Variants in MTCL2 observed in about 807,000 individuals in gnomAD.
MTCL2 encodes microtubule crosslinking factor 2, also known as microtubule cross-linking factor 2.
chr20:36,863,457 C>T, the MTCL2 span: 4 of 727,600 alleles, frequency 5.5e-6, no homozygotes, highest in Admixed American at 5.2e-5. The surrounding 1 kb of genome is among the most constrained non-coding windows in gnomAD (Gnocchi z 6.2). Context: ...CGGCTGCTCT[C>T]GGCCCACCTC....
chr20:36,822,039 C>G, the MTCL2 span, among the ~76,000 whole-genome samples: 1 of 152,244 alleles, frequency 6.6e-6, no homozygotes, highest in Non-Finnish European at 1.5e-5. Flanking sequence ...ACGAGTTCCA[C>G]CCTTTTCTGG....
At chr20:36,808,781 T>C in the MTCL2 span, 1 of 1,411,594 alleles carries the variant, frequency 7.1e-7, no homozygotes, top group Non-Finnish European at 9.7e-7. Context: ...CCCAGGGCCC[T>C]GTCCTCTCCC....
chr20:36,796,853 G>A, the MTCL2 span: 1 of 1,611,882 alleles, frequency 6.2e-7, no homozygotes, highest in East Asian at 2.2e-5. Context: ...CGGTCAGAGA[G>A]GCAGAGCAGG....
At chr20:36,861,888 G>A in the MTCL2 span, among the ~76,000 whole-genome samples, 1 of 152,242 alleles carries the variant, frequency 6.6e-6, no homozygotes, top group Non-Finnish European at 1.5e-5. Context: ...TCCCCACATG[G>A]CCACAGGGAA....
the MTCL2 span, chr20:36,828,928 A>T: frequency 9.8e-7 from 1 of 1,015,636 alleles, no homozygotes; most frequent in East Asian, 2.7e-5. Flanking sequence ...TGAATAAACA[A>T]CCTTGCCAGG....
the MTCL2 span, among the ~76,000 whole-genome samples, chr20:36,851,788 G>A: frequency 6.6e-6 from 1 of 152,192 alleles, no homozygotes; most frequent in African/African-American, 2.4e-5. Flanking sequence ...GGAGGACAGA[G>A]CCCAGCACAG....
the MTCL2 span, chr20:36,863,216 G>A: frequency 2.5e-6 from 3 of 1,215,286 alleles, no homozygotes; most frequent in African/African-American, 3.2e-5. This position sits in a 1 kb window ranked among gnomAD's most constrained non-coding sequence, Gnocchi z 6.2. Flanking sequence ...GCGACCAGCC[G>A]GCCACGTCTT....
At chr20:36,813,284 G>C in the MTCL2 span, among the ~76,000 whole-genome samples, 4,090 of 138,904 alleles carry the variant, frequency 0.029, 84 homozygotes, top group Middle Eastern at 0.065. Flanking sequence ...TTGCCCTCCA[G>C]CGTGGGCAAC....
At chr20:36,784,240 G>A in the MTCL2 span, 11 of 986,052 alleles carry the variant, frequency 1.1e-5, no homozygotes, top group Non-Finnish European at 1.3e-5. Context: ...ATGGGTGAGA[G>A]CAGCAGCATC....
chr20:36,799,400 G>C, the MTCL2 span, among the ~76,000 whole-genome samples: 1 of 152,166 alleles, frequency 6.6e-6, no homozygotes, highest in South Asian at 2.1e-4. Flanking sequence ...GCTGAGGCAG[G>C]AGAATCGTTT....
At chr20:36,810,717 C>CCTCTCTCCCTCTCTCTCTCTCT in the MTCL2 span, among the ~76,000 whole-genome samples, 9 of 94,192 alleles carry the variant, frequency 9.6e-5, no homozygotes, top group Non-Finnish European at 1.5e-4. Flanking sequence ...TCTCTCTCTC[C>CCTCTCTCCCTCTCTCTCTCTCT]CTCTCTCTCT....
chr20:36,777,728 G>T, the MTCL2 span: 1 of 547,758 alleles, frequency 1.8e-6, no homozygotes, highest in Non-Finnish European at 3.3e-6. Context: ...CAGGGCCCAT[G>T]ACTGCAGGAC....
chr20:36,809,045 A>C, the MTCL2 span, among the ~76,000 whole-genome samples: 1 of 152,226 alleles, frequency 6.6e-6, no homozygotes, highest in Non-Finnish European at 1.5e-5. Flanking sequence ...TCAATGAGGA[A>C]CCTGCGAGGG....
the MTCL2 span, among the ~76,000 whole-genome samples, chr20:36,822,651 CTT>C: frequency 2.0e-5 from 3 of 152,314 alleles, no homozygotes; most frequent in South Asian, 6.2e-4. Context: ...CAAAATGAAT[CTT>C]CTGCCAAAAC....
At chr20:36,810,254 C>T in the MTCL2 span, 1 of 963,174 alleles carries the variant, frequency 1.0e-6, no homozygotes, top group South Asian at 1.7e-5. Context: ...GAATGACTGT[C>T]CCCACCTCTG....
At chr20:36,816,341 G>C in the MTCL2 span, 33 of 1,520,932 alleles carry the variant, frequency 2.2e-5, no homozygotes, top group African/African-American at 3.5e-4. Context: ...ACCCAGGAAG[G>C]TTAGTGCTGG....
the MTCL2 span, among the ~76,000 whole-genome samples, chr20:36,843,238 G>A: frequency 6.6e-6 from 1 of 152,222 alleles, no homozygotes; most frequent in Admixed American, 6.5e-5. Flanking sequence ...CCAATGGTCA[G>A]CCTGGTAGGA....
the MTCL2 span, among the ~76,000 whole-genome samples, chr20:36,845,036 G>A: frequency 2.0e-5 from 3 of 150,382 alleles, 1 homozygote; most frequent in South Asian, 4.2e-4. Context: ...AGAAGAAGAA[G>A]AAGAAGAAAA....
chr20:36,796,992 C>T, the MTCL2 span: 3 of 1,588,978 alleles, frequency 1.9e-6, no homozygotes, highest in Non-Finnish European at 2.6e-6. Flanking sequence ...GTTCTGGCCA[C>T]CAGAGCACTA....
Sources: gnomAD v4.1 joint callset for allele counts (sites outside exome capture counted in the v4.1 genomes callset) on GRCh38, gnomAD v4.1.1 for gene constraint, Gnocchi (gnomAD v3.1) non-coding constraint, MANE v1.5 for transcripts, NCBI Gene and HGNC (gene_info 2026-07-23, HGNC 2026-07-21) for gene names.